MRTFB: variants seen among roughly 807,000 people sequenced by gnomAD.
MRTFB encodes myocardin related transcription factor B, also known as myocardin-related transcription factor B.
In MRTFB, 29 loss-of-function variants were observed where a neutral mutation model predicts 104.2. The ratio of observed to expected loss-of-function variants is 0.28; its 90% CI spans 0.21 to 0.38. MRTFB has a LOEUF of 0.38. Among genes scored for constraint, MRTFB ranks in the 10% least tolerant of loss-of-function variants. MRTFB has a pLI of 1.00. For synonymous variants in MRTFB, 535 were observed against 519.5 expected, an observed-to-expected ratio of 1.03 and a Z score of -0.41; for missense variants, 1,270 against 1,341.6, an observed-to-expected ratio of 0.95 and a Z score of 0.83.
chr16:14,153,826 G>C (rs1215753084), intron 3 of MRTFB, among the ~76,000 whole-genome samples: 3 of 152,122 alleles, frequency 2.0e-5, no homozygotes, highest in Non-Finnish European at 4.4e-5. Context: ...TAATAAAGTT[G>C]TTCAAGTCTT....
At chr16:14,128,829 CA>C (rs2037293377) in intron 2 of MRTFB, among the ~76,000 whole-genome samples, 1 of 152,176 alleles carries the variant, frequency 6.6e-6, no homozygotes, top group African/African-American at 2.4e-5. Context: ...TGTGTGTCAT[CA>C]AATTCACCAT....
At chr16:14,047,557 A>C in the MRTFB span, among the ~76,000 whole-genome samples, 1 of 152,218 alleles carries the variant, frequency 6.6e-6, no homozygotes, top group Non-Finnish European at 1.5e-5. Flanking sequence ...TAGAGGTTTA[A>C]TGGACTCACA....
chr16:14,257,973 T>C, intron 15 of MRTFB, 128 bp from the exon 16 acceptor site: 1 of 766,750 alleles, frequency 1.3e-6, no homozygotes, highest in Non-Finnish European at 2.1e-6. Context: ...TCAGGTGACC[T>C]CAGTGTTTTC....
chr16:14,236,381 TA>T (rs775356017), intron 9 of MRTFB, among the ~76,000 whole-genome samples: 4 of 152,220 alleles, frequency 2.6e-5, no homozygotes, highest in Non-Finnish European at 5.9e-5. Context: ...GTTGAACGGA[TA>T]CTTATTCAAG....
intron 3 of MRTFB, chr16:14,144,160 A>G (rs1050152467): frequency 6.6e-5 from 10 of 152,194 alleles, no homozygotes; most frequent in African/African-American, 9.6e-5. Flanking sequence ...TTTTAAGCCA[A>G]TGTGTTTTCT....
the MRTFB span, among the ~76,000 whole-genome samples, chr16:14,035,455 G>T: frequency 6.6e-6 from 1 of 152,180 alleles, no homozygotes; most frequent in African/African-American, 2.4e-5. Flanking sequence ...ATGCAGAGCT[G>T]CTCTCTTGGC....
chr16:14,213,491 A>G (rs1197179757), intron 5 of MRTFB, 54 bp from the exon 6 acceptor site: 4 of 1,293,330 alleles, frequency 3.1e-6, no homozygotes, highest in Non-Finnish European at 4.3e-6. Context: ...AAGAACATTT[A>G]AAACCACAAT....
chr16:14,025,256 T>C, the MRTFB span, among the ~76,000 whole-genome samples: 3 of 152,210 alleles, frequency 2.0e-5, no homozygotes, highest in African/African-American at 7.2e-5. Context: ...TCATGGCTTA[T>C]TGTAGCCTCG....
chr16:14,023,580 T>TACACACAC, the MRTFB span, among the ~76,000 whole-genome samples: 21 of 94,016 alleles, frequency 2.2e-4, no homozygotes, highest in East Asian at 3.0e-3. Context: ...CAAGGGCAGA[T>TACACACAC]ACACACACAC....
the MRTFB span, among the ~76,000 whole-genome samples, chr16:14,059,996 A>ATTTT: frequency 7.6e-6 from 1 of 131,384 alleles, no homozygotes; most frequent in African/African-American, 3.7e-5. Context: ...AGAGACATGT[A>ATTTT]ATTTTTTTTT....
intron 3 of MRTFB, among the ~76,000 whole-genome samples, chr16:14,173,552 A>G (rs771549735): frequency 1.3e-5 from 2 of 152,028 alleles, no homozygotes; most frequent in Non-Finnish European, 2.9e-5. Context: ...GCCCTACTTG[A>G]AGTTTGCCAG....
At position 14,234,235 on chromosome 16, in the gene MRTFB, C is replaced by T; in HGVS notation, c.783C>T (p.Leu261=). ...QPPPRPAAPV[L]PTNTVSSAKP... is the part of the protein sequence containing the mutation. ...CCCCACGGCCTGCAGCTCCTGTCCT[C>T]CCCACAAACACTGTGTCCTCAGCAA... The change falls in exon 9 of 17, where the codon CTC becomes CTT. Residue 261 remains leucine (L), a synonymous_variant. Coordinates refer to ENST00000571589, the MANE Select transcript of MRTFB (RefSeq NM_001308142.2). The T allele has an allele frequency of 6.2e-7, 1 of 1,614,168 alleles. No individual in the cohort carries two copies. The highest frequency in any genetic ancestry group is 1.3e-5 in the African/African-American group (1 of 75,034).
At chr16:14,013,982 G>A in the MRTFB span, among the ~76,000 whole-genome samples, 1 of 152,104 alleles carries the variant, frequency 6.6e-6, no homozygotes, top group South Asian at 2.1e-4. Flanking sequence ...TTTTTAAACG[G>A]TACTCAACCC....
In MRTFB at chr16:14,245,317, C is replaced by A. The variant is rs148955396; in HGVS notation, c.1080-211C>A. Among the ~76,000 whole-genome samples, 3 of 152,098 alleles carry A rather than the reference C, an allele frequency of 2.0e-5. No homozygotes were observed. In the South Asian group the frequency reaches 6.2e-4, roughly 31 times the overall value. On this transcript the variant is annotated intron_variant, in intron 10 of 16. Coordinates refer to ENST00000571589, the MANE Select transcript of MRTFB (RefSeq NM_001308142.2). ...TGCATTTCCATATAAAGCTTAGAATCGCCTTCTAAATTTCCGTCACGCTAG... is the reference window on the plus strand; with the variant it reads ...TGCATTTCCATATAAAGCTTAGAATAGCCTTCTAAATTTCCGTCACGCTAG...
the MRTFB span, chr16:14,012,908 A>T: frequency 6.6e-6 from 1 of 151,976 alleles, no homozygotes; most frequent in Non-Finnish European, 1.5e-5. Context: ...CTTTTTCCTG[A>T]TATCTTAGTG....
chr16:14,090,447 T>C lies in MRTFB; in HGVS notation c.-64+11093T>C, dbSNP rs182167460. ...GCACGCATCATCCCATGAGCATTTA[T>C]GTGTCTAATACATACTGAGCACTTT... On this transcript the variant is annotated intron_variant, in intron 2 of 16. Transcript: ENST00000571589. 2.6e-5 allele frequency among the ~76,000 whole-genome samples: 4 copies of C among 152,328 alleles called. No individual in the cohort carries two copies. The East Asian group carries it at 7.7e-4, about 29-fold the overall frequency.
chr16:14,247,319 G>T lies in MRTFB; in HGVS notation c.2059G>T (p.Gly687Cys), dbSNP rs779032794. 1 of 1,614,058 alleles carries T rather than the reference G, an allele frequency of 6.2e-7. No individual in the cohort carries two copies. Among genetic ancestry groups the T allele is most frequent in the African/African-American group, 1.3e-5 (1 of 74,928 alleles). Residue 687 changes from glycine to cysteine, a missense_variant, in exon 12 of 17, where the codon GGC becomes TGC. Transcript: ENST00000571589. ...AVVIKQEVPV[G>C]QAEQQSVVSQ... ...AGTTATCAAGCAAGAGGTCCCTGTGGGCCAGGCAGAGCAGCAGAGTGTCGT... is the reference window on the plus strand; with the variant it reads ...AGTTATCAAGCAAGAGGTCCCTGTGTGCCAGGCAGAGCAGCAGAGTGTCGT...
chr16:14,006,473 A>G, the MRTFB span, among the ~76,000 whole-genome samples: 109 of 152,114 alleles, frequency 7.2e-4, 1 homozygote, highest in Middle Eastern at 0.024. Flanking sequence ...AGATCACGCC[A>G]CTGCACTCCA....
At chr16:14,224,374 G>A (rs1432998186) in intron 8 of MRTFB, among the ~76,000 whole-genome samples, 3 of 152,158 alleles carry the variant, frequency 2.0e-5, no homozygotes, top group African/African-American at 4.8e-5. Context: ...CCTTTACAGT[G>A]TAAATGGTTT....
Sources: allele counts gnomAD v4.1 joint callset (sites outside exome capture counted in the v4.1 genomes callset), GRCh38; gene constraint gnomAD v4.1.1; transcripts MANE v1.5; gene names NCBI Gene and HGNC (gene_info 2026-07-23, HGNC 2026-07-21).